The following RBKS variants were observed in gnomAD, a reference collection of about 807,000 sequenced individuals.
RBKS encodes ribokinase.
RBKS carries 33 observed loss-of-function variants against 33.9 expected under a neutral mutation model. The ratio of observed to expected loss-of-function variants is 0.97; its 90% CI spans 0.74 to 1.30. The LOEUF is 1.30. Among genes scored for constraint, RBKS ranks in the 50% most tolerant of loss-of-function variants. RBKS has a pLI of 0.00. For missense variants in RBKS, 361 were observed against 392.6 expected (o/e 0.92, Z 0.68); for synonymous variants, 125 against 143.0 (o/e 0.87, Z 0.90).
Position 27,798,719 on chromosome 2 carries a change from CA to C in RBKS, c.796-16932del, listed in dbSNP as rs370489266. ...CACGAGGTTCCCTAAACCACTTTTC[CA>C]GTTTCATCTCTTACTTCCTCCTATT... On this transcript the variant is annotated intron_variant, in intron 7 of 7. Transcript: ENST00000302188. 3.7e-4 allele frequency among the ~76,000 whole-genome samples: 57 copies of C among 152,280 alleles called. No individual in the cohort carries two copies. In the East Asian group the frequency reaches 5.2e-3, roughly 14 times the overall value.
At chr2:27,829,344 T>C (rs1439473908) in intron 6 of RBKS, among the ~76,000 whole-genome samples, 1 of 151,840 alleles carries the variant, frequency 6.6e-6, no homozygotes, top group African/African-American at 2.4e-5. Context: ...TCCCACCTGG[T>C]TGATCCCTGC....
chr2:27,862,081 G>A (rs779147411), intron 1 of RBKS, among the ~76,000 whole-genome samples: 1 of 151,170 alleles, frequency 6.6e-6, no homozygotes, highest in African/African-American at 2.4e-5. Context: ...CCAGAGAGCT[G>A]GGACCACAGG....
intron 7 of RBKS, among the ~76,000 whole-genome samples, chr2:27,794,511 C>A (rs1677605033): frequency 1.3e-5 from 2 of 151,748 alleles, no homozygotes; most frequent in South Asian, 4.1e-4. Context: ...AGCTCTTTCC[C>A]ACACTTGGGA....
intron 1 of RBKS, among the ~76,000 whole-genome samples, chr2:27,886,111 A>G (rs1438356640): frequency 1.3e-5 from 2 of 152,240 alleles, no homozygotes; most frequent in African/African-American, 2.4e-5. Context: ...TGAGAAAAAT[A>G]TAAGTGAGTA....
At chr2:27,868,226 G>C (rs1664137140) in intron 1 of RBKS, among the ~76,000 whole-genome samples, 1 of 152,048 alleles carries the variant, frequency 6.6e-6, no homozygotes, top group African/African-American at 2.4e-5. Flanking sequence ...ATGTAATCTG[G>C]AATCAATTAT....
At chr2:27,847,936 G>A in intron 3 of RBKS, 98 bp downstream of exon 3, 1 of 698,310 alleles carries the variant, frequency 1.4e-6, no homozygotes, top group African/African-American at 1.8e-5. Flanking sequence ...GGCCACCAGG[G>A]GAAGGTCTAA....
intron 1 of RBKS, among the ~76,000 whole-genome samples, chr2:27,871,390 T>C (rs1040009378): frequency 1.3e-5 from 2 of 152,210 alleles, no homozygotes; most frequent in Admixed American, 6.6e-5. Context: ...CCACATATTA[T>C]ACAAAGCAGG....
At chr2:27,850,469 C>A (rs184048892) in intron 2 of RBKS, among the ~76,000 whole-genome samples, 1 of 152,198 alleles carries the variant, frequency 6.6e-6, no homozygotes, top group Non-Finnish European at 1.5e-5. Context: ...ATCCTCTATG[C>A]TTTGTATATT....
At chr2:27,813,631 G>T (rs1252147447) in intron 7 of RBKS, among the ~76,000 whole-genome samples, 1 of 151,690 alleles carries the variant, frequency 6.6e-6, no homozygotes, top group Non-Finnish European at 1.5e-5. Flanking sequence ...ATGAAGAATA[G>T]AAAGAGAAGG....
chr2:27,826,433 G>A (rs1276675040), intron 7 of RBKS, among the ~76,000 whole-genome samples: 4 of 145,520 alleles, frequency 2.7e-5, no homozygotes, highest in African/African-American at 1.0e-4. Context: ...TTTTTGAGAC[G>A]GACTCTCGCT....
chr2:27,888,201 C>T (rs1664586496), intron 1 of RBKS, among the ~76,000 whole-genome samples: 1 of 151,912 alleles, frequency 6.6e-6, no homozygotes, highest in African/African-American at 2.4e-5. Context: ...GATCTCAGCT[C>T]ACTGCTACCT....
chr2:27,809,436 C>A (rs1410411142), intron 7 of RBKS, among the ~76,000 whole-genome samples: 1 of 152,168 alleles, frequency 6.6e-6, no homozygotes, highest in Non-Finnish European at 1.5e-5. Context: ...GAAGTGGAAT[C>A]CTGAGAGCGA....
chr2:27,848,235 A>AT, intron 2 of RBKS, 138 bp from the exon 3 acceptor site: 1 of 552,426 alleles, frequency 1.8e-6, no homozygotes, highest in Non-Finnish European at 3.2e-6. Flanking sequence ...TCTTCTTAAT[A>AT]TAAGATGCTA....
intron 7 of RBKS, among the ~76,000 whole-genome samples, chr2:27,823,131 C>T (rs532964149): frequency 6.6e-6 from 1 of 152,186 alleles, no homozygotes; most frequent in East Asian, 1.9e-4. Context: ...GAAGAGAGGG[C>T]GGACATGCAC....
Position 27,837,598 on chromosome 2 carries a change from G to A in RBKS, c.515-4821C>T, listed in dbSNP as rs1217762598. 6.6e-6 allele frequency among the ~76,000 whole-genome samples: 1 copy of A among 152,094 alleles called. No individual in the cohort carries two copies. The highest frequency in any genetic ancestry group is 1.5e-5 in the Non-Finnish European group (1 of 68,028). On this transcript the variant is annotated intron_variant, in intron 5 of 7. Transcript: ENST00000302188. The surrounding 1 kb of genome is among the most constrained non-coding windows in gnomAD (Gnocchi z 4.0). ...CCTAGGTGCCCATCAATGGTGGACT[G>A]GATAAAGAAAATGTGGTACATATAT...
chr2:27,786,430 C>T (rs966740760), intron 7 of RBKS, among the ~76,000 whole-genome samples: 5 of 152,188 alleles, frequency 3.3e-5, no homozygotes, highest in African/African-American at 1.2e-4. Flanking sequence ...ATCAGGTCTA[C>T]CTAACCCTCT....
intron 2 of RBKS, among the ~76,000 whole-genome samples, chr2:27,858,223 G>C (rs1176300695): frequency 6.6e-6 from 1 of 152,146 alleles, no homozygotes; most frequent in Non-Finnish European, 1.5e-5. Context: ...AGAATGAGGA[G>C]GAACTGCTTA....
intron 7 of RBKS, among the ~76,000 whole-genome samples, chr2:27,788,962 C>T (rs114541589): frequency 0.014 from 2,098 of 152,288 alleles, 27 homozygotes; most frequent in Middle Eastern, 0.031. Flanking sequence ...ATAAAAATCC[C>T]AGCTGCCAAC....
chr2:27,835,923 A>G (rs979520587), intron 5 of RBKS, among the ~76,000 whole-genome samples: 1 of 152,136 alleles, frequency 6.6e-6, no homozygotes, highest in African/African-American at 2.4e-5. Flanking sequence ...CTCTTAAAAC[A>G]CATAGTATCT....
Sources: gnomAD v4.1 joint callset for allele counts (sites outside exome capture counted in the v4.1 genomes callset) on GRCh38, gnomAD v4.1.1 for gene constraint, Gnocchi (gnomAD v3.1) non-coding constraint, MANE v1.5 for transcripts, NCBI Gene and HGNC (gene_info 2026-07-23, HGNC 2026-07-21) for gene names.